The following SVIL variants were observed in gnomAD, a reference collection of about 807,000 sequenced individuals.
The protein encoded by SVIL is supervillin.
SVIL carries 101 observed loss-of-function variants against 240.4 expected under a neutral mutation model. The ratio of observed to expected loss-of-function variants is 0.42; its 90% CI spans 0.36 to 0.50. The LOEUF is 0.50. Ranked by LOEUF, SVIL falls within the 20% of genes least tolerant of loss-of-function variation. The probability of loss-of-function intolerance (pLI) is 0.01; values close to 1 mark genes in which losing one functional copy is unlikely to be tolerated. For missense variants in SVIL, 2,512 were observed against 2,818.7 expected (o/e 0.89, Z 2.46); for synonymous variants, 999 against 1,100.0 (o/e 0.91, Z 1.82).
chr10:29,534,947 A>G (rs1951635990), intron 7 of SVIL, among the ~76,000 whole-genome samples: 1 of 152,224 alleles, frequency 6.6e-6, no homozygotes, highest in Non-Finnish European at 1.5e-5. Flanking sequence ...CAGCTTTAAA[A>G]AGCAAAGAGG....
In SVIL at chr10:29,532,086, T is replaced by C. The variant is rs1345161192; in HGVS notation, c.1925A>G (p.Tyr642Cys). The part of the protein sequence containing the change: ...RERGSRKPRR[Y>C]FSPGESRKTS... ...TTTTCTACTTTCACCAGGAGAAAAATAGCGTCTTGGTTTCCGGGACCCTCT... is the reference window on the plus strand; with the variant it reads ...TTTTCTACTTTCACCAGGAGAAAAACAGCGTCTTGGTTTCCGGGACCCTCT... The change falls in exon 9 of 38, where the codon TAT becomes TGT. Residue 642 changes from tyrosine to cysteine, a missense_variant. Coordinates refer to ENST00000355867, the MANE Select transcript of SVIL (RefSeq NM_021738.3). The C allele has an allele frequency of 2.5e-6, 4 of 1,614,022 alleles. No homozygotes were observed. The highest frequency in any genetic ancestry group is 1.1e-5 in the South Asian group (1 of 91,076).
chr10:29,702,100 G>A (rs575661363), intron 1 of SVIL, among the ~76,000 whole-genome samples: 2 of 150,410 alleles, frequency 1.3e-5, no homozygotes, highest in South Asian at 4.2e-4. Flanking sequence ...ACTTGAACCC[G>A]GGAGGTGGAG....
intron 3 of SVIL, among the ~76,000 whole-genome samples, chr10:29,649,875 C>T (rs1958784490): frequency 6.6e-6 from 1 of 152,144 alleles, no homozygotes; most frequent in South Asian, 2.1e-4. Context: ...AGTGCTCTGT[C>T]CTTGTGAATG....
At position 29,674,058 on chromosome 10, in the gene SVIL, C is replaced by G. The variant is rs1960014230; in HGVS notation, c.-301+12495G>C. 2.0e-5 allele frequency among the ~76,000 whole-genome samples: 3 copies of G among 152,146 alleles called. 1 individual carries two copies. The highest frequency in any genetic ancestry group is 2.0e-4 in the Admixed American group (3 of 15,274). ...TTTTTTGAAAAGGTGGGGCCAAGCA[C>G]AGTGGATCACACCTGTAATGAGAGC... is the stretch of plus-strand genomic sequence containing the variant. On this transcript the variant is annotated intron_variant, in intron 2 of 35. Transcript: ENST00000375400.
At position 29,480,654 on chromosome 10, in the gene SVIL, C is replaced by T. The variant is rs768131452; in HGVS notation, c.5260G>A (p.Val1754Met). Reference protein sequence around the residue: ...RRQFEITSVSVDVWHILEFDY... With the variant: ...RRQFEITSVSMDVWHILEFDY... Reference sequence around the variant, plus strand: ...AATTCCAGGATGTGCCAGACATCCACGGAAACGCTGGTGATCTCAAACTGC... The same window carrying T: ...AATTCCAGGATGTGCCAGACATCCATGGAAACGCTGGTGATCTCAAACTGC... Residue 1754 changes from valine to methionine, a missense_variant, in exon 29 of 38, where the codon GTG becomes ATG. This residue lies in a region of SVIL where 797 missense variants were observed against 925.3 expected (regional missense o/e 0.86). Transcript: ENST00000355867. 128 of 1,614,074 alleles carry T rather than the reference C, an allele frequency of 7.9e-5. No homozygotes were observed. Among genetic ancestry groups the T allele is most frequent in the Non-Finnish European group, 1.0e-4 (123 of 1,180,044 alleles).
upstream of SVIL, among the ~76,000 whole-genome samples, chr10:29,636,167 A>G (rs928369672): frequency 6.6e-6 from 1 of 150,978 alleles, no homozygotes; most frequent in Non-Finnish European, 1.5e-5. Context: ...TGGCTTTTGC[A>G]TCCTAATCTC....
chr10:29,614,807 T>TA (rs1276011409), intron 1 of SVIL, among the ~76,000 whole-genome samples: 4 of 151,992 alleles, frequency 2.6e-5, no homozygotes, highest in Non-Finnish European at 4.4e-5. Context: ...ACTTAAAGTA[T>TA]AAAAAAAATC....
chr10:29,734,659 A>C (rs1366640662), intron 1 of SVIL, among the ~76,000 whole-genome samples: 1 of 152,104 alleles, frequency 6.6e-6, no homozygotes, highest in African/African-American at 2.4e-5. Flanking sequence ...CAGATAAGAC[A>C]AGACACGAAA....
chr10:29,636,658 G>T (rs532283080), upstream of SVIL, among the ~76,000 whole-genome samples: 2 of 152,234 alleles, frequency 1.3e-5, no homozygotes, highest in South Asian at 2.1e-4. Flanking sequence ...TGGCTTAGAA[G>T]ACTCATCATA....
chr10:29,633,889 A>G (rs754746148), intron 1 of SVIL, among the ~76,000 whole-genome samples: 7 of 152,192 alleles, frequency 4.6e-5, no homozygotes, highest in Non-Finnish European at 8.8e-5. Flanking sequence ...ATTCTGGAAC[A>G]TCGCAAGTTC....
intron 1 of SVIL, among the ~76,000 whole-genome samples, chr10:29,720,655 T>A (rs34894259): frequency 0.19 from 28,985 of 152,128 alleles, 2,879 homozygotes; most frequent in Middle Eastern, 0.27. Context: ...TTATTTAAGC[T>A]TTTAAAAGAG....
chr10:29,706,828 A>G (rs1040197689), intron 1 of SVIL, among the ~76,000 whole-genome samples: 1 of 152,190 alleles, frequency 6.6e-6, no homozygotes, highest in African/African-American at 2.4e-5. Flanking sequence ...AGGTGTAAGG[A>G]AGGGGTCTAG....
chr10:29,724,830 T>G (rs1422789777), intron 1 of SVIL, among the ~76,000 whole-genome samples: 1 of 152,020 alleles, frequency 6.6e-6, no homozygotes, highest in African/African-American at 2.4e-5. Flanking sequence ...GAGACCAGCC[T>G]GGTCAACATG....
chr10:29,695,794 CTCTCCCTCTCCCGTCTCCCTCTCCCG>C (rs745646946), intron 1 of SVIL, among the ~76,000 whole-genome samples: 4 of 148,026 alleles, frequency 2.7e-5, no homozygotes, highest in East Asian at 2.2e-4. Flanking sequence ...TCCCGTCTCC[CTCTCCCTCTCCCGTCTCCCTCTCCCG>C]TCTCCCTCTC....
At chr10:29,572,840 T>C (rs1955507013) in intron 1 of SVIL, among the ~76,000 whole-genome samples, 2 of 150,326 alleles carry the variant, frequency 1.3e-5, no homozygotes, top group South Asian at 4.2e-4. Flanking sequence ...CATGTTGACA[T>C]GTTGATAAAT....
At chr10:29,572,138 T>C (rs1955453344) in intron 1 of SVIL, among the ~76,000 whole-genome samples, 1 of 152,100 alleles carries the variant, frequency 6.6e-6, no homozygotes, top group South Asian at 2.1e-4. Flanking sequence ...ATTTGTAAAA[T>C]ACAAACACAC....
In SVIL at chr10:29,698,231, A is replaced by G. The variant is rs187424522; in HGVS notation, c.-399-11580T>C. Reference sequence around the variant, plus strand: ...TACACAGCTGTCCTTACTTTCTAACATCTTTCTGATAACATTATTATGTTG... The same window carrying G: ...TACACAGCTGTCCTTACTTTCTAACGTCTTTCTGATAACATTATTATGTTG... On this transcript the variant is annotated intron_variant, in intron 1 of 35. Transcript: ENST00000375400. The G allele has an allele frequency of 5.1e-3, 3,562 of 697,656 alleles. 814 individuals are homozygous for G. Among genetic ancestry groups the G allele is most frequent in the Non-Finnish European group, 6.3e-3 (2,903 of 457,960 alleles). The allele number at this position is 697,656 out of a possible 1,614,324, so 43.2% of individuals were successfully genotyped here. A position where few individuals can be genotyped will look rare whatever the true frequency, so the allele number is the denominator to read the frequency against.
At chr10:29,582,056 G>A (rs1955967002) in intron 1 of SVIL, among the ~76,000 whole-genome samples, 1 of 152,170 alleles carries the variant, frequency 6.6e-6, no homozygotes, top group African/African-American at 2.4e-5. Context: ...ATCAGGGGCT[G>A]GGCAGAGGGA....
At chr10:29,467,656 ATACTC>A in intron 33 of SVIL, 81 bp downstream of exon 33, 1 of 1,545,580 alleles carries the variant, frequency 6.5e-7, no homozygotes, top group Non-Finnish European at 8.8e-7. Context: ...TCATACCACT[ATACTC>A]CAGCCTGGAT....
Sources: gnomAD v4.1 joint callset for allele counts (sites outside exome capture counted in the v4.1 genomes callset) on GRCh38, gnomAD v4.1.1 for gene constraint, gnomAD v4.1.1 regional missense constraint, MANE v1.5 for transcripts, NCBI Gene and HGNC (gene_info 2026-07-23, HGNC 2026-07-21) for gene names.